Variants in EIF3L observed in about 807,000 individuals in gnomAD.
The protein encoded by EIF3L is eIEF associated protein HSPC021.
Under a neutral mutation model 74.6 loss-of-function variants are expected in EIF3L, and 32 were observed. That is an observed-to-expected ratio of 0.43 (90% CI 0.32 to 0.58). The LOEUF (loss-of-function observed/expected upper bound fraction) is 0.58, where lower values mean the gene tolerates loss of function less well. EIF3L is among the 20% of genes least tolerant of loss of function. The pLI is 0.06. For missense variants in EIF3L, 474 were observed against 707.8 expected (o/e 0.67, Z 3.75); for synonymous variants, 256 against 254.4 (o/e 1.01, Z -0.06).
intron 1 of EIF3L, chr22:37,849,692 C>G (rs903681556): frequency 1.8e-4 from 110 of 623,280 alleles, no homozygotes; most frequent in South Asian, 7.0e-4. Context: ...TGTCCTTCCC[C>G]TTTCTAAGAC....
At chr22:37,855,350 G>T (rs960875641) in intron 3 of EIF3L, among the ~76,000 whole-genome samples, 3 of 152,154 alleles carry the variant, frequency 2.0e-5, no homozygotes, top group African/African-American at 7.2e-5. Flanking sequence ...AGCTTGATGG[G>T]TCCCTAACTG....
At chr22:37,854,804 C>T (rs998047455) in intron 3 of EIF3L, among the ~76,000 whole-genome samples, 66 of 152,118 alleles carry the variant, frequency 4.3e-4, no homozygotes, top group African/African-American at 1.5e-3. Flanking sequence ...TTCTGTGTTT[C>T]TCCCCAACCC....
chr22:37,878,224 A>G (rs187806127), intron 11 of EIF3L, 53 bp downstream of exon 11: 1 of 1,527,624 alleles, frequency 6.5e-7, no homozygotes, highest in East Asian at 2.3e-5. Context: ...AGTATCTTTC[A>G]TTCACTATTG....
chr22:37,883,951 A>T (rs1927191048), intron 11 of EIF3L: 1 of 152,210 alleles, frequency 6.6e-6, no homozygotes, highest in African/African-American at 2.4e-5. Flanking sequence ...TGAATGAAGA[A>T]TTCAGTGGTT....
chr22:37,862,937 C>A, intron 5 of EIF3L, 32 bp from the exon 6 acceptor site: 7 of 1,527,742 alleles, frequency 4.6e-6, no homozygotes, highest in Non-Finnish European at 6.3e-6. Flanking sequence ...AATTAAATAT[C>A]TGTATCTTGA....
intron 7 of EIF3L, among the ~76,000 whole-genome samples, chr22:37,864,604 T>G (rs921608775): frequency 2.6e-5 from 4 of 151,244 alleles, no homozygotes; most frequent in African/African-American, 9.7e-5. Context: ...AGTGGCATTA[T>G]CCCGGCTCAC....
intron 7 of EIF3L, among the ~76,000 whole-genome samples, 167 bp from the exon 8 acceptor site, chr22:37,870,009 A>G (rs910539388): frequency 1.3e-5 from 2 of 152,208 alleles, no homozygotes; most frequent in African/African-American, 4.8e-5. Flanking sequence ...TTTAGTCAAG[A>G]TGGCTTTGAA....
chr22:37,851,166 T>G, intron 2 of EIF3L, 114 bp from the exon 3 acceptor site: 1 of 763,734 alleles, frequency 1.3e-6, no homozygotes, highest in Non-Finnish European at 2.1e-6. Context: ...CTCTGAGTAT[T>G]CAAAAGGGAA....
At chr22:37,881,998 C>T (rs1209107370) in intron 11 of EIF3L, 6 of 152,170 alleles carry the variant, frequency 3.9e-5, no homozygotes, top group Non-Finnish European at 8.8e-5. Flanking sequence ...AAGACCCTGT[C>T]TCTACTTTTT....
chr22:37,853,946 G>T (rs568874025), intron 3 of EIF3L, among the ~76,000 whole-genome samples: 9 of 152,094 alleles, frequency 5.9e-5, no homozygotes, highest in Non-Finnish European at 1.3e-4. Context: ...AACTTAAATG[G>T]CAACTAACTG....
At chr22:37,876,112 T>A (rs1926734634) in intron 10 of EIF3L, 101 bp downstream of exon 10, 6 of 1,321,244 alleles carry the variant, frequency 4.5e-6, no homozygotes, top group Non-Finnish European at 6.2e-6. Flanking sequence ...AATATTGCAC[T>A]TTTAAGCCAG....
At chr22:37,871,343 A>G (rs1026032853) in intron 8 of EIF3L, 2 of 152,084 alleles carry the variant, frequency 1.3e-5, no homozygotes, top group Non-Finnish European at 2.9e-5. Flanking sequence ...AATATTCCTG[A>G]CTTGAAAATT....
At chr22:37,876,231 G>A (rs1926742690) in intron 10 of EIF3L, 2 of 499,514 alleles carry the variant, frequency 4.0e-6, no homozygotes, top group South Asian at 6.3e-5. Flanking sequence ...CTGGGATCAG[G>A]CGATCATCCT....
rs767138921 is a variant in EIF3L at position 37,858,503 on chromosome 22, T to C, written c.374-176T>C. 4.1e-5 allele frequency: 27 copies of C among 664,764 alleles called. No individual in the cohort carries two copies. The Middle Eastern group carries it at 1.3e-3, about 31-fold the overall frequency. The allele number at this position is 664,764 out of a possible 1,614,324, so 41.2% of individuals were successfully genotyped here. A position where few individuals can be genotyped will look rare whatever the true frequency, so the allele number is the denominator to read the frequency against. On this transcript the variant is annotated intron_variant, in intron 4 of 12. Coordinates refer to ENST00000652021, the MANE Select transcript of EIF3L (RefSeq NM_016091.4). ...TCTCATCGACAGAGATTGAGGTTGA[T>C]GGAGTCAAATGAGAAGTGGATTTTC...
chr22:37,858,523 A>G (rs1353391784), intron 4 of EIF3L, 156 bp from the exon 5 acceptor site: 18 of 696,866 alleles, frequency 2.6e-5, no homozygotes, highest in Non-Finnish European at 4.5e-5. Context: ...TGAGAAGTGG[A>G]TTTTCTCATT....
chr22:37,871,872 G>GAAA (rs34538530), intron 8 of EIF3L, among the ~76,000 whole-genome samples: 3 of 119,844 alleles, frequency 2.5e-5, no homozygotes, highest in Non-Finnish European at 1.8e-5. Context: ...CTGTCTCGGG[G>GAAA]AAAAAAAAAA....
intron 7 of EIF3L, among the ~76,000 whole-genome samples, chr22:37,863,700 T>C (rs1242376007): frequency 6.6e-6 from 1 of 152,150 alleles, no homozygotes; most frequent in African/African-American, 2.4e-5. Context: ...AACAGTGATG[T>C]GCTATTTAAA....
chr22:37,862,151 A>G (rs1016574136), intron 5 of EIF3L, among the ~76,000 whole-genome samples: 4 of 152,212 alleles, frequency 2.6e-5, no homozygotes, highest in African/African-American at 9.6e-5. Flanking sequence ...ATCTTACTTC[A>G]TTGTGACTAG....
intron 7 of EIF3L, among the ~76,000 whole-genome samples, chr22:37,863,926 G>A (rs564829469): frequency 5.3e-5 from 8 of 152,130 alleles, no homozygotes; most frequent in South Asian, 4.1e-4. Context: ...TTAGCCGGGC[G>A]TGGTGGCAGG....
Sources: allele counts gnomAD v4.1 joint callset (sites outside exome capture counted in the v4.1 genomes callset), GRCh38; gene constraint gnomAD v4.1.1; transcripts MANE v1.5; gene names NCBI Gene and HGNC (gene_info 2026-07-23, HGNC 2026-07-21).